The following FXYD3 variants were observed in gnomAD, a reference collection of about 807,000 sequenced individuals.
The protein encoded by FXYD3 is FXYD domain containing ion transport regulator 3, also known as FXYD domain-containing ion transport regulator 3.
Under a neutral mutation model 19.2 loss-of-function variants are expected in FXYD3, and 13 were observed. The observed-to-expected ratio is 0.68, with a 90% confidence interval of 0.44 to 1.08. FXYD3 has a LOEUF of 1.08. Among genes scored for constraint, FXYD3 ranks in the 50% least tolerant of loss-of-function variants. FXYD3 has a pLI of 0.00. For missense variants in FXYD3, 101 were observed against 109.4 expected, an observed-to-expected ratio of 0.92 and a Z score of 0.34; for synonymous variants, 48 against 38.9, an observed-to-expected ratio of 1.23 and a Z score of -0.87.
At chr19:35,119,685 TTG>T in intron 3 of FXYD3, 1 of 544,180 alleles carries the variant, frequency 1.8e-6, no homozygotes. Flanking sequence ...GTTTTTGTTT[TTG>T]TTTTTGAAAG....
chr19:35,123,164 A>G (rs2065086946), intron 7 of FXYD3, 107 bp from the exon 8 acceptor site: 1 of 1,504,166 alleles, frequency 6.6e-7, no homozygotes, highest in Non-Finnish European at 8.9e-7. Context: ...AACCCCCCAA[A>G]TGGAAAGGCA....
At chr19:35,121,656 C>T in intron 5 of FXYD3, 9 of 620,530 alleles carry the variant, frequency 1.5e-5, no homozygotes, top group South Asian at 3.6e-5. Flanking sequence ...TCCTTCTGCT[C>T]CAAGCCTCTC....
chr19:35,119,341 A>G (rs2278994), intron 2 of FXYD3, 22 bp from the exon 3 acceptor site: 1,145,812 of 1,612,466 alleles, frequency 0.71, 409,231 homozygotes, highest in South Asian at 0.75. Flanking sequence ...TGCTAAGGCC[A>G]GACCTCCCGC....
rs930764904 is a variant in FXYD3 at position 35,116,165 on chromosome 19, C to T, written c.-110-99C>T. Reference sequence around the variant, plus strand: ...GGTCCTGGTGACCCCAGGGAGCAACCTGCCGCCCATGGCTGGGGAGGGGGT... The same window carrying T: ...GGTCCTGGTGACCCCAGGGAGCAACTTGCCGCCCATGGCTGGGGAGGGGGT... On this transcript the variant is annotated intron_variant, in intron 1 of 8. Coordinates refer to ENST00000604404, the MANE Select transcript of FXYD3 (RefSeq NM_005971.4). 22 of 968,478 alleles carry T rather than the reference C, an allele frequency of 2.3e-5. No individual in the cohort carries two copies. The African/African-American group carries it at 3.2e-4, about 14-fold the overall frequency. The allele number at this position is 968,478 out of a possible 1,614,324, so 60.0% of individuals were successfully genotyped here.
chr19:35,121,357 A>C, intron 5 of FXYD3, 112 bp downstream of exon 5: 1 of 1,612,918 alleles, frequency 6.2e-7, no homozygotes, highest in Non-Finnish European at 8.5e-7. Flanking sequence ...AAAGATACGA[A>C]GGGACTAGGA....
chr19:35,120,549 G>A (rs2065018882), intron 3 of FXYD3, among the ~76,000 whole-genome samples: 1 of 152,084 alleles, frequency 6.6e-6, no homozygotes, highest in African/African-American at 2.4e-5. Context: ...CATTACATAG[G>A]GCAAGACCAG....
chr19:35,118,629 G>A (rs544967920), intron 2 of FXYD3: 167 of 974,652 alleles, frequency 1.7e-4, no homozygotes, highest in South Asian at 1.6e-3. Context: ...TGGGGACCCC[G>A]GCTAGGCAGA....
rs557943519 is a variant in FXYD3 at position 35,116,276 on chromosome 19, C to A, written c.-98C>A. ...TCTACCTGCCCAGGTTTGCTTAGGG[C>A]GTGGCAGCTTCGGATAAACGCAGGA... is the stretch of plus-strand genomic sequence containing the variant. On this transcript the variant is annotated 5_prime_UTR_variant, in exon 2 of 9. Transcript: ENST00000604404. 2.0e-6 allele frequency: 2 copies of A among 985,258 alleles called. No individual in the cohort carries two copies. The highest frequency in any genetic ancestry group is 2.4e-6 in the Non-Finnish European group (2 of 829,926). The allele number at this position is 985,258 out of a possible 1,614,324, so 61.0% of individuals were successfully genotyped here. A position where few individuals can be genotyped will look rare whatever the true frequency, so the allele number is the denominator to read the frequency against.
rs1215860750 is a variant in FXYD3, at chr19:35,120,994, C to A, written c.41-84C>A. 3.4e-6 allele frequency: 5 copies of A among 1,465,204 alleles called. No individual in the cohort carries two copies. In the African/African-American group the frequency reaches 4.2e-5, roughly 12 times the overall value. The allele number at this position is 1,465,204 out of a possible 1,614,324, so 90.8% of individuals were successfully genotyped here. A position where few individuals can be genotyped will look rare whatever the true frequency, so the allele number is the denominator to read the frequency against. ...TCCCGCAGGAGACCCTTTCCCAAGG[C>A]CCCTGAAACTCCCCAGGCCCTGCCC... On this transcript the variant is annotated intron_variant, in intron 3 of 8. Transcript: ENST00000604404.
chr19:35,122,860 G>C, intron 6 of FXYD3, 21 bp downstream of exon 6: 1 of 1,613,848 alleles, frequency 6.2e-7, no homozygotes, highest in East Asian at 2.2e-5. Flanking sequence ...GAGCTCGGGG[G>C]AGCAGGCGGG....
rs979291000 is a variant in FXYD3, at chr19:35,123,396, A to G, written c.248-45A>G. 3.1e-6 allele frequency: 5 copies of G among 1,613,826 alleles called. No individual in the cohort carries two copies. The African/African-American group carries it at 6.7e-5, about 22-fold the overall frequency. On this transcript the variant is annotated intron_variant, in intron 8 of 8. Transcript: ENST00000604404. Reference sequence around the variant, plus strand: ...TGTGTGTTTGCACACTGGAAAGAAAAGAACTCAATCCACCCTCACAAACGG... The same window carrying G: ...TGTGTGTTTGCACACTGGAAAGAAAGGAACTCAATCCACCCTCACAAACGG...
intron 6 of FXYD3, 38 bp from the exon 7 acceptor site, chr19:35,122,880 G>T: frequency 6.2e-7 from 1 of 1,613,860 alleles, no homozygotes; most frequent in South Asian, 1.1e-5. Flanking sequence ...GCCGGGGCTG[G>T]GGCTCCCCTC....
rs1232523047 is a variant in FXYD3 at position 35,123,600 on chromosome 19, G to A, written c.*143G>A. On this transcript the variant is annotated 3_prime_UTR_variant, in exon 9 of 9. Transcript: ENST00000604404. ...ATGGCAGGGCCTCATCTCACCTCTC[G>A]CAAGAGGGTCTCTTTGTTCAATTTT... is the stretch of plus-strand genomic sequence containing the variant. 19 of 795,970 alleles carry A rather than the reference G, an allele frequency of 2.4e-5. No homozygotes were observed. Among genetic ancestry groups the A allele is most frequent in the Non-Finnish European group, 3.5e-5 (17 of 484,866 alleles). 49.3% of individuals were successfully genotyped at this position (795,970 alleles called of 1,614,324 possible).
chr19:35,119,673 T>TG (rs1568385138), intron 3 of FXYD3: 3 of 440,436 alleles, frequency 6.8e-6, no homozygotes, highest in Non-Finnish European at 1.2e-5. Flanking sequence ...GTTTTTGTTT[T>TG]TGTTTTTGTT....
chr19:35,123,301 C>T lies in FXYD3; in HGVS notation c.240C>T (p.Ile80=), dbSNP rs142898677. The T allele has an allele frequency of 6.2e-6, 10 of 1,609,034 alleles. No homozygotes were observed. In the African/African-American group the frequency reaches 1.3e-4, roughly 21 times the overall value. Residue 80 remains isoleucine, a synonymous_variant, in exon 8 of 9, where the codon ATC becomes ATT. Coordinates refer to ENST00000604404, the MANE Select transcript of FXYD3 (RefSeq NM_005971.4). ...ATCCAGGGGAGACTCCACCTCTCAT[C>T]ACCCCAGGTAAGATGGGGCAGCATG... ...GHHPGETPPL[I]TPGSAQS is the part of the protein sequence containing the mutation.
At chr19:35,119,693 G>C in intron 3 of FXYD3, 2 of 513,040 alleles carry the variant, frequency 3.9e-6, no homozygotes, top group Non-Finnish European at 7.0e-6. Flanking sequence ...TTTTGTTTTT[G>C]AAAGGGAGTC....
In FXYD3 at chr19:35,123,470, A is replaced by C. The variant is rs2065098740; in HGVS notation, c.*13A>C. ...AGCCCAAAGCTGATGAGGACAGACCAGCTGAAATTGGGTGGAGGACCGTTC... is the reference window on the plus strand; with the variant it reads ...AGCCCAAAGCTGATGAGGACAGACCCGCTGAAATTGGGTGGAGGACCGTTC... On this transcript the variant is annotated 3_prime_UTR_variant, in exon 9 of 9. Transcript: ENST00000604404. 3 of 1,614,092 alleles carry C rather than the reference A, an allele frequency of 1.9e-6. No individual in the cohort carries two copies. The East Asian group carries it at 6.7e-5, about 36-fold the overall frequency.
At chr19:35,116,987 G>C in intron 2 of FXYD3, 1 of 985,368 alleles carries the variant, frequency 1.0e-6, no homozygotes, top group South Asian at 4.7e-5. Flanking sequence ...TTCTCCCATG[G>C]TATGGAGGAA....
rs1212812538 is a variant in FXYD3 at position 35,123,685 on chromosome 19, T to C, written c.*228T>C. ...AGCCTGGAGACTTCCTATGTGTGCA[T>C]TGGGGTGGGGCTTGGGGCACCATGA... On this transcript the variant is annotated 3_prime_UTR_variant, in exon 9 of 9. Transcript: ENST00000604404. The C allele has an allele frequency of 1.4e-5, 8 of 588,046 alleles. No individual in the cohort carries two copies. The highest frequency in any genetic ancestry group is 3.0e-5 in the Admixed American group (1 of 33,502). 36.4% of individuals were successfully genotyped at this position (588,046 alleles called of 1,614,324 possible). A position where few individuals can be genotyped will look rare whatever the true frequency, so the allele number is the denominator to read the frequency against.
Sources: allele counts gnomAD v4.1 joint callset (sites outside exome capture counted in the v4.1 genomes callset), GRCh38; gene constraint gnomAD v4.1.1; transcripts MANE v1.5; gene names NCBI Gene and HGNC (gene_info 2026-07-23, HGNC 2026-07-21).